CNTNAP2: variants seen among roughly 807,000 people sequenced by gnomAD.
The protein encoded by CNTNAP2 is contactin-associated protein-like 2.
CNTNAP2 carries 98 observed loss-of-function variants against 155.2 expected under a neutral mutation model. That is an observed-to-expected ratio of 0.63 (90% CI 0.54 to 0.75). The LOEUF (loss-of-function observed/expected upper bound fraction) is 0.75. CNTNAP2 is among the 30% of genes least tolerant of loss of function. The probability of loss-of-function intolerance (pLI) is 0.00; values close to 1 mark genes in which losing one functional copy is unlikely to be tolerated. For missense variants in CNTNAP2, 1,727 were observed against 1,688.1 expected, an observed-to-expected ratio of 1.02 and a Z score of -0.40; for synonymous variants, 651 against 631.2, an observed-to-expected ratio of 1.03 and a Z score of -0.47.
At chr7:146,724,516 T>C (rs901740520) in intron 1 of CNTNAP2, among the ~76,000 whole-genome samples, 3 of 150,414 alleles carry the variant, frequency 2.0e-5, no homozygotes, top group African/African-American at 7.3e-5. Flanking sequence ...TCCAGTTCAG[T>C]GCCTGATGAG....
intron 12 of CNTNAP2, among the ~76,000 whole-genome samples, chr7:147,595,988 A>G (rs143642675): frequency 1.5e-3 from 222 of 152,140 alleles, no homozygotes; most frequent in African/African-American, 4.9e-3. Context: ...TTTTTTTGGC[A>G]GTCATCTCTT....
intron 1 of CNTNAP2, among the ~76,000 whole-genome samples, chr7:146,304,634 G>C (rs926093206): frequency 1.3e-5 from 2 of 152,136 alleles, no homozygotes; most frequent in Non-Finnish European, 2.9e-5. Flanking sequence ...TCTGTCAAGA[G>C]ATCTGCTGTT....
intron 18 of CNTNAP2, among the ~76,000 whole-genome samples, chr7:148,209,075 A>G (rs1442949487): frequency 6.6e-6 from 1 of 151,982 alleles, no homozygotes; most frequent in Non-Finnish European, 1.5e-5. Flanking sequence ...TGGCTCTTTG[A>G]CTTCTATGCT....
chr7:147,215,500 C>G (rs1395439297), intron 8 of CNTNAP2, among the ~76,000 whole-genome samples: 5 of 152,138 alleles, frequency 3.3e-5, no homozygotes, highest in African/African-American at 1.2e-4. Context: ...TGTGTTTAAC[C>G]TTATGTCTTT....
intron 1 of CNTNAP2, among the ~76,000 whole-genome samples, chr7:146,125,914 A>T (rs570387340): frequency 9.8e-5 from 15 of 152,340 alleles, no homozygotes; most frequent in African/African-American, 3.4e-4. Flanking sequence ...AGGCAGCAGT[A>T]CATATTATAC....
chr7:148,283,379 A>T (rs1417051513), intron 21 of CNTNAP2, among the ~76,000 whole-genome samples: 2 of 152,068 alleles, frequency 1.3e-5, no homozygotes, highest in South Asian at 4.2e-4. Flanking sequence ...AGGCATGGAA[A>T]ATTTTTGAAT....
intron 4 of CNTNAP2, among the ~76,000 whole-genome samples, chr7:147,088,240 C>T (rs564563619): frequency 6.6e-6 from 1 of 152,142 alleles, no homozygotes; most frequent in South Asian, 2.1e-4. Context: ...TCACTTGGAT[C>T]ACTAAAAATA....
chr7:148,363,991 T>A lies in CNTNAP2; in HGVS notation c.3476-19658T>A, dbSNP rs536807267. ...GAGGGTGTACTGGGTCCCCCAGCAGTGCCGGCCCACCGGCGCTGCGCTCGA... is the reference window on the plus strand; with the variant it reads ...GAGGGTGTACTGGGTCCCCCAGCAGAGCCGGCCCACCGGCGCTGCGCTCGA... On this transcript the variant is annotated intron_variant, in intron 21 of 23. Transcript: ENST00000361727. Among the ~76,000 whole-genome samples the A allele has an allele frequency of 1.3e-4, 20 of 152,290 alleles. No individual in the cohort carries two copies. The South Asian group carries it at 4.1e-3, about 32-fold the overall frequency.
chr7:147,121,952 C>G (rs145508687), intron 6 of CNTNAP2: 1 of 151,978 alleles, frequency 6.6e-6, no homozygotes, highest in Admixed American at 6.6e-5. Context: ...CTGACGCGGG[C>G]GGATCACAGG....
chr7:146,904,138 C>A (rs1481951569), intron 3 of CNTNAP2, among the ~76,000 whole-genome samples: 1 of 152,160 alleles, frequency 6.6e-6, no homozygotes, highest in Non-Finnish European at 1.5e-5. Flanking sequence ...AATGATTTCA[C>A]CAATAAGCAA....
chr7:147,649,823 T>TA (rs919127241), intron 13 of CNTNAP2, among the ~76,000 whole-genome samples: 5 of 151,458 alleles, frequency 3.3e-5, no homozygotes, highest in Admixed American at 2.0e-4. Context: ...CCATTCTGAA[T>TA]AAAAAAAGGG....
intron 1 of CNTNAP2, among the ~76,000 whole-genome samples, chr7:146,704,340 A>T (rs542230473): frequency 2.6e-5 from 4 of 152,254 alleles, no homozygotes; most frequent in African/African-American, 9.6e-5. Flanking sequence ...GAAGGAGAAT[A>T]AGAGAAAGTT....
chr7:146,674,500 GA>G (rs67446751), intron 1 of CNTNAP2, among the ~76,000 whole-genome samples: 117,612 of 148,932 alleles, frequency 0.79, 46,453 homozygotes, highest in South Asian at 0.89. Flanking sequence ...TCTGGTGGAG[GA>G]AAAAAAAAAT....
intron 1 of CNTNAP2, among the ~76,000 whole-genome samples, chr7:146,450,930 T>TA (rs1796469697): frequency 6.9e-6 from 1 of 144,762 alleles, no homozygotes; most frequent in Non-Finnish European, 1.5e-5. Context: ...ATTTTCATAG[T>TA]AAAAATATTT....
chr7:148,060,948 G>A (rs1563184843), intron 15 of CNTNAP2, among the ~76,000 whole-genome samples: 1 of 152,166 alleles, frequency 6.6e-6, no homozygotes, highest in African/African-American at 2.4e-5. Flanking sequence ...TGAAAGACAA[G>A]ACCACAGAAT....
At chr7:148,107,025 G>A (rs1266449423) in intron 15 of CNTNAP2, among the ~76,000 whole-genome samples, 1 of 152,162 alleles carries the variant, frequency 6.6e-6, no homozygotes, top group Non-Finnish European at 1.5e-5. Flanking sequence ...GTGGGAAATT[G>A]TAGAGCCCTA....
intron 14 of CNTNAP2, among the ~76,000 whole-genome samples, chr7:147,967,765 A>C (rs773249823): frequency 3.3e-5 from 5 of 152,208 alleles, no homozygotes; most frequent in Non-Finnish European, 7.3e-5. Flanking sequence ...TAACCAACTT[A>C]CTTTTACATA....
intron 9 of CNTNAP2, among the ~76,000 whole-genome samples, chr7:147,300,495 A>G (rs1237134211): frequency 2.0e-5 from 3 of 152,224 alleles, no homozygotes; most frequent in Admixed American, 6.5e-5. Context: ...TGATGTCACC[A>G]TATTCTTCTG....
At chr7:147,979,141 C>T (rs1801480770) in intron 15 of CNTNAP2, among the ~76,000 whole-genome samples, 1 of 152,124 alleles carries the variant, frequency 6.6e-6, no homozygotes, top group Admixed American at 6.5e-5. Context: ...TTAAGCAATG[C>T]CATGTTCCTA....
Sources: gnomAD v4.1 joint callset for allele counts (sites outside exome capture counted in the v4.1 genomes callset) on GRCh38, gnomAD v4.1.1 for gene constraint, MANE v1.5 for transcripts, NCBI Gene and HGNC (gene_info 2026-07-23, HGNC 2026-07-21) for gene names.